The following GPM6A variants were observed in gnomAD, a reference collection of about 807,000 sequenced individuals.
GPM6A encodes glycoprotein M6A.
Under a neutral mutation model 32.1 loss-of-function variants are expected in GPM6A, and 7 were observed. The ratio of observed to expected loss-of-function variants is 0.22; its 90% confidence interval spans 0.12 to 0.41. The LOEUF is 0.41. Ranked by LOEUF, GPM6A falls within the 10% of genes least tolerant of loss-of-function variation. The pLI, the probability that GPM6A is intolerant of heterozygous loss-of-function variation, is 1.00. For missense variants in GPM6A, 235 were observed against 347.2 expected (o/e 0.68, Z 2.57); for synonymous variants, 130 against 123.4 (o/e 1.05, Z -0.35).
chr4:175,734,579 A>G (rs1447996278), intron 1 of GPM6A, among the ~76,000 whole-genome samples: 1 of 151,350 alleles, frequency 6.6e-6, no homozygotes, highest in Non-Finnish European at 1.5e-5. Context: ...AAAAAAAAAA[A>G]TGCTATATAA....
chr4:175,673,342 C>T (rs1743184865), intron 3 of GPM6A, among the ~76,000 whole-genome samples: 1 of 151,662 alleles, frequency 6.6e-6, no homozygotes, highest in South Asian at 2.1e-4. Flanking sequence ...AGGAGACAGG[C>T]ACATGTATTG....
intron 1 of GPM6A, among the ~76,000 whole-genome samples, chr4:175,973,808 G>A (rs955327397): frequency 1.3e-5 from 2 of 152,028 alleles, no homozygotes; most frequent in Admixed American, 1.3e-4. Context: ...ACACATCTGC[G>A]CCACCGCCGC....
At chr4:175,928,638 G>A (rs1434462494) in intron 1 of GPM6A, among the ~76,000 whole-genome samples, 1 of 152,212 alleles carries the variant, frequency 6.6e-6, no homozygotes, top group Non-Finnish European at 1.5e-5. Flanking sequence ...CAGTAGGCCT[G>A]GCTGGCATGT....
At chr4:175,769,670 T>C (rs1295584093) in intron 1 of GPM6A, among the ~76,000 whole-genome samples, 1 of 152,184 alleles carries the variant, frequency 6.6e-6, no homozygotes, top group Admixed American at 6.5e-5. Context: ...GAGTCTACTA[T>C]CTACCAAATA....
chr4:175,693,319 A>G (rs978194520), intron 2 of GPM6A, among the ~76,000 whole-genome samples: 6 of 148,964 alleles, frequency 4.0e-5, no homozygotes, highest in Non-Finnish European at 7.4e-5. Flanking sequence ...ATATATAAGT[A>G]TATATATATT....
intron 1 of GPM6A, among the ~76,000 whole-genome samples, chr4:175,870,437 C>G (rs568267826): frequency 1.3e-5 from 2 of 152,222 alleles, no homozygotes; most frequent in South Asian, 4.1e-4. Context: ...AATGTTATTA[C>G]GTACCTACTA....
At chr4:175,931,442 T>C (rs760962096) in intron 1 of GPM6A, among the ~76,000 whole-genome samples, 5 of 152,250 alleles carry the variant, frequency 3.3e-5, no homozygotes, top group Non-Finnish European at 7.4e-5. Context: ...AAATATATTA[T>C]AGATGATAAC....
chr4:175,997,507 A>G (rs1409955065), intron 1 of GPM6A, among the ~76,000 whole-genome samples: 1 of 152,052 alleles, frequency 6.6e-6, no homozygotes, highest in Non-Finnish European at 1.5e-5. Flanking sequence ...GCTGAGCTAC[A>G]TAAATTTATA....
chr4:175,904,597 A>G (rs1738071620), intron 1 of GPM6A, among the ~76,000 whole-genome samples: 1 of 152,162 alleles, frequency 6.6e-6, no homozygotes, highest in Non-Finnish European at 1.5e-5. Context: ...AACACTGGTA[A>G]CCCTGAAAGG....
rs749399113 is a variant in GPM6A, at chr4:175,633,602, G to A, written c.*1303C>T. The A allele has an allele frequency of 2.6e-5, 4 of 152,498 alleles. No individual in the cohort carries two copies. The highest frequency in any genetic ancestry group is 2.6e-4 in the Admixed American group (4 of 15,262). 9.4% of individuals were successfully genotyped at this position (152,498 alleles called of 1,614,324 possible). On this transcript the variant is annotated 3_prime_UTR_variant, in exon 7 of 7. Transcript: ENST00000393658. Reference sequence around the variant, plus strand: ...GAAGACACTTTACAGCATTCTTGTAGCATTAGAAATAATGAAAAGAAGAGC... The same window carrying A: ...GAAGACACTTTACAGCATTCTTGTAACATTAGAAATAATGAAAAGAAGAGC...
rs1740471476 is a variant in GPM6A, at chr4:175,634,585, G to C, written c.*320C>G. ...CAAAAGGTGTTATGTATAACACATG[G>C]GAAGTGGTTAAAAATCAAACAAATC... On this transcript the variant is annotated 3_prime_UTR_variant, in exon 7 of 7. Coordinates refer to ENST00000393658, the MANE Select transcript of GPM6A (RefSeq NM_201591.3). 1 of 253,300 alleles carries C rather than the reference G, an allele frequency of 3.9e-6. No individual in the cohort carries two copies. The highest frequency in any genetic ancestry group is 1.0e-4 in the East Asian group (1 of 9,998). The allele number at this position is 253,300 out of a possible 1,614,324, so 15.7% of individuals were successfully genotyped here. A position where few individuals can be genotyped will look rare whatever the true frequency, so the allele number is the denominator to read the frequency against.
chr4:175,730,460 C>G (rs969197997), intron 1 of GPM6A, among the ~76,000 whole-genome samples: 20 of 140,792 alleles, frequency 1.4e-4, no homozygotes, highest in African/African-American at 5.3e-4. Context: ...CCAGGATGGT[C>G]TCGATCTCTT....
At chr4:175,683,370 G>A (rs1035297460) in intron 2 of GPM6A, among the ~76,000 whole-genome samples, 1 of 152,102 alleles carries the variant, frequency 6.6e-6, no homozygotes, top group Non-Finnish European at 1.5e-5. Flanking sequence ...AAGGGGTTTG[G>A]CTTGTCTAAG....
intron 1 of GPM6A, among the ~76,000 whole-genome samples, chr4:175,804,925 G>A (rs190599548): frequency 0.013 from 1,963 of 152,114 alleles, 16 homozygotes; most frequent in Non-Finnish European, 0.017. Context: ...GGCGCCTGTA[G>A]TCCCAGCTAT....
intron 4 of GPM6A, among the ~76,000 whole-genome samples, chr4:175,648,027 A>G (rs1579338572): frequency 6.6e-6 from 1 of 152,210 alleles, no homozygotes; most frequent in Non-Finnish European, 1.5e-5. Flanking sequence ...AATATGTTGT[A>G]AACATTGGTA....
chr4:175,966,536 G>T (rs1364932511), intron 1 of GPM6A, among the ~76,000 whole-genome samples: 1 of 151,592 alleles, frequency 6.6e-6, no homozygotes. Context: ...TTATGAAGGT[G>T]GAGTTCTCAT....
chr4:175,976,976 A>T (rs1740682670), intron 1 of GPM6A, among the ~76,000 whole-genome samples: 1 of 152,244 alleles, frequency 6.6e-6, no homozygotes, highest in African/African-American at 2.4e-5. Context: ...GAATTTGCAT[A>T]ATTAAGCTAT....
chr4:175,854,101 G>A (rs1408658195), intron 1 of GPM6A, among the ~76,000 whole-genome samples: 3 of 152,170 alleles, frequency 2.0e-5, no homozygotes, highest in Non-Finnish European at 4.4e-5. Flanking sequence ...ATATAGTTTT[G>A]ATTTTAGCAG....
chr4:175,978,503 C>T (rs761310779), intron 1 of GPM6A, among the ~76,000 whole-genome samples: 8 of 152,144 alleles, frequency 5.3e-5, no homozygotes, highest in Admixed American at 1.3e-4. Context: ...GTCCCTTCCC[C>T]TCTTGCCTCC....
Sources: allele counts gnomAD v4.1 joint callset (sites outside exome capture counted in the v4.1 genomes callset), GRCh38; gene constraint gnomAD v4.1.1; transcripts MANE v1.5; gene names NCBI Gene and HGNC (gene_info 2026-07-23, HGNC 2026-07-21).